PSMC2: variants seen among roughly 807,000 people sequenced by gnomAD.
PSMC2 encodes proteasome 26S subunit, ATPase 2.
PSMC2 carries 7 observed loss-of-function variants against 53.3 expected under a neutral mutation model. The observed-to-expected ratio is 0.13, with a 90% CI of 0.07 to 0.25. The LOEUF (loss-of-function observed/expected upper bound fraction) is 0.25, where lower values mean the gene tolerates loss of function less well. Ranked by LOEUF, PSMC2 falls within the 10% of genes least tolerant of loss-of-function variation. The pLI is 1.00. For synonymous variants in PSMC2, 169 were observed against 183.9 expected (o/e 0.92, Z 0.66); for missense variants, 241 against 544.0 (o/e 0.44, Z 5.54).
At position 103,368,385 on chromosome 7, in the gene PSMC2, T is replaced by C; in HGVS notation, c.*331T>C. On this transcript the variant is annotated 3_prime_UTR_variant, in exon 12 of 12. Transcript: ENST00000292644. Reference sequence around the variant, plus strand: ...CCTCCCATCTGTCCACTGAGGAAGATTATCAAATGGATCTTCATCCAATGG... The same window carrying C: ...CCTCCCATCTGTCCACTGAGGAAGACTATCAAATGGATCTTCATCCAATGG... 5.6e-6 allele frequency: 1 copy of C among 177,604 alleles called. No individual in the cohort carries two copies. Among genetic ancestry groups the C allele is most frequent in the Non-Finnish European group, 1.2e-5 (1 of 85,104 alleles). 11.0% of individuals were successfully genotyped at this position (177,604 alleles called of 1,614,324 possible).
Position 103,363,336 on chromosome 7 carries a change from T to C in PSMC2, c.496-8T>C. 1 of 1,606,018 alleles carries C rather than the reference T, an allele frequency of 6.2e-7. No homozygotes were observed. The highest frequency in any genetic ancestry group is 1.3e-5 in the African/African-American group (1 of 74,852). ...ACTGTATGTTGTACATTTCTGTCCCTCTCTTAGGTGGAAGAGAAACCTGAT... is the reference window on the plus strand; with the variant it reads ...ACTGTATGTTGTACATTTCTGTCCCCCTCTTAGGTGGAAGAGAAACCTGAT... On this transcript the variant is annotated splice_polypyrimidine_tract_variant and splice_region_variant and intron_variant, in intron 6 of 11. Transcript: ENST00000292644.
At chr7:103,352,215 TA>T (rs769618353) in intron 1 of PSMC2, among the ~76,000 whole-genome samples, 5,168 of 39,930 alleles carry the variant, frequency 0.13, 131 homozygotes, top group South Asian at 0.21. Context: ...CATACTTAGT[TA>T]AAAAAAAAAA....
intron 2 of PSMC2, among the ~76,000 whole-genome samples, chr7:103,354,508 A>T (rs1251940263): frequency 6.6e-6 from 1 of 151,514 alleles, no homozygotes; most frequent in Non-Finnish European, 1.5e-5. Flanking sequence ...AGCTGGGATT[A>T]TGAGCGCCCA....
At position 103,367,385 on chromosome 7, in the gene PSMC2, G is replaced by A. The variant is rs1820771877; in HGVS notation, c.845-28G>A. On this transcript the variant is annotated intron_variant, in intron 9 of 11. Transcript: ENST00000292644. This position sits in a 1 kb window ranked among gnomAD's most constrained non-coding sequence, Gnocchi z 6.1. ...AGTGCTACTCTTGAGTGGACTTGAA[G>A]AGCTTATCTTTCCTTTTGTCTTCTC... 6.2e-7 allele frequency: 1 copy of A among 1,610,206 alleles called. No individual in the cohort carries two copies. Among genetic ancestry groups the A allele is most frequent in the Non-Finnish European group, 8.5e-7 (1 of 1,178,010 alleles).
At position 103,354,916 on chromosome 7, in the gene PSMC2, C is replaced by G; in HGVS notation, c.157C>G (p.Gln53Glu). The G allele has an allele frequency of 6.2e-7, 1 of 1,613,246 alleles. No homozygotes were observed. The highest frequency in any genetic ancestry group is 8.5e-7 in the Non-Finnish European group (1 of 1,179,354). Residue 53 changes from glutamine to glutamate, a missense_variant, in exon 3 of 12, where the codon CAG (glutamine) becomes GAG (glutamate). Coordinates refer to ENST00000292644, the MANE Select transcript of PSMC2 (RefSeq NM_002803.4). The stretch of plus-strand genomic sequence containing the variant: ...GATCAAGCAAGTTGAAGATGACATT[C>G]AGCAACTTCTCAAGAAAATTAATGA... ...RQIKQVEDDI[Q>E]QLLKKINELT... is the part of the protein sequence containing the mutation.
intron 4 of PSMC2, among the ~76,000 whole-genome samples, chr7:103,359,867 G>T (rs964013680): frequency 6.6e-6 from 1 of 152,050 alleles, no homozygotes; most frequent in Non-Finnish European, 1.5e-5. Flanking sequence ...ATCACTTGAG[G>T]TTGGGAGTTT....
rs1025143801 is a variant in PSMC2, at chr7:103,367,359, T to C, written c.845-54T>C. 4.5e-6 allele frequency: 7 copies of C among 1,564,414 alleles called. No individual in the cohort carries two copies. The African/African-American group carries it at 8.1e-5, about 18-fold the overall frequency. On this transcript the variant is annotated intron_variant, in intron 9 of 11. Coordinates refer to ENST00000292644, the MANE Select transcript of PSMC2 (RefSeq NM_002803.4). This position sits in a 1 kb window ranked among gnomAD's most constrained non-coding sequence, Gnocchi z 6.1. ...ATTTTTGGTACTTTCAGGTCATGCA[T>C]AGTGCTACTCTTGAGTGGACTTGAA...
At chr7:103,354,058 C>A in intron 2 of PSMC2, 100 bp downstream of exon 2, 33 of 916,380 alleles carry the variant, frequency 3.6e-5, no homozygotes, top group East Asian at 8.5e-5. Flanking sequence ...GTTAAGAAAC[C>A]AAAAATTAAA....
At chr7:103,347,864 G>A in intron 1 of PSMC2, 83 bp downstream of exon 1, 1 of 1,479,534 alleles carries the variant, frequency 6.8e-7, no homozygotes, top group Non-Finnish European at 9.4e-7. Flanking sequence ...CTGGATTCCC[G>A]CTCCTGGCTC....
At chr7:103,362,454 A>G in intron 5 of PSMC2, 1 of 1,369,290 alleles carries the variant, frequency 7.3e-7, no homozygotes, top group Non-Finnish European at 9.4e-7. Context: ...TTAAAAAAAA[A>G]TCTCCCCTCC....
At chr7:103,362,509 T>G (rs1012201023) in intron 5 of PSMC2, 177 bp from the exon 6 acceptor site, 1 of 1,414,494 alleles carries the variant, frequency 7.1e-7, no homozygotes, top group African/African-American at 1.5e-5. Context: ...TTTGCGACAT[T>G]AGACATGTAG....
chr7:103,368,009 T>G lies in PSMC2; in HGVS notation c.1257T>G (p.Ser419=), dbSNP rs1264390282. The G allele has an allele frequency of 5.6e-6, 9 of 1,613,938 alleles. No homozygotes were observed. Among genetic ancestry groups the G allele is most frequent in the Non-Finnish European group, 7.6e-6 (9 of 1,179,910 alleles). Residue 419 remains serine, a synonymous_variant, in exon 12 of 12, where the codon TCT becomes TCG. Coordinates refer to ENST00000292644, the MANE Select transcript of PSMC2 (RefSeq NM_002803.4). Reference sequence around the variant, plus strand: ...AAGCTGTAAATAAGGTCATTAAGTCTTATGCCAAATTCAGTGCTACTCCTC... The same window carrying G: ...AAGCTGTAAATAAGGTCATTAAGTCGTATGCCAAATTCAGTGCTACTCCTC... ...FLEAVNKVIK[S]YAKFSATPRY... is the part of the protein sequence containing the mutation.
At chr7:103,353,985 A>G (rs749535526) in intron 2 of PSMC2, 27 bp downstream of exon 2, 1 of 1,523,190 alleles carries the variant, frequency 6.6e-7, no homozygotes, top group South Asian at 1.2e-5. Flanking sequence ...TCTACAAACT[A>G]TAGATGTTTT....
intron 4 of PSMC2, 53 bp downstream of exon 4, chr7:103,355,846 T>A: frequency 7.7e-7 from 1 of 1,302,382 alleles, no homozygotes; most frequent in Non-Finnish European, 1.1e-6. Flanking sequence ...TTCAAGCACT[T>A]AATGTTAGAG....
chr7:103,361,483 C>T (rs1718557008), intron 4 of PSMC2, among the ~76,000 whole-genome samples: 1 of 133,146 alleles, frequency 7.5e-6, no homozygotes, highest in South Asian at 2.3e-4. Flanking sequence ...GTGTTTCAGC[C>T]TGGGCAACAA....
chr7:103,355,844 C>A, intron 4 of PSMC2, 51 bp downstream of exon 4: 1 of 1,337,750 alleles, frequency 7.5e-7, no homozygotes, highest in South Asian at 1.2e-5. Flanking sequence ...TTTTCAAGCA[C>A]TTAATGTTAG....
rs1820812182 is a variant in PSMC2 at position 103,368,083 on chromosome 7, A to G, written c.*29A>G. 2 of 1,576,062 alleles carry G rather than the reference A, an allele frequency of 1.3e-6. No homozygotes were observed. Among genetic ancestry groups the G allele is most frequent in the Non-Finnish European group, 1.7e-6 (2 of 1,158,332 alleles). ...CTGAAGGCTTTCAAGTGAAAACTTT[A>G]AATTGGAATCCTAACCTTATATAGA... On this transcript the variant is annotated 3_prime_UTR_variant, in exon 12 of 12. Coordinates refer to ENST00000292644, the MANE Select transcript of PSMC2 (RefSeq NM_002803.4).
At chr7:103,358,998 T>C (rs1036398415) in intron 4 of PSMC2, among the ~76,000 whole-genome samples, 2 of 151,816 alleles carry the variant, frequency 1.3e-5, no homozygotes, top group Non-Finnish European at 2.9e-5. Context: ...TTTTTTTTTT[T>C]TTTGAGACAA....
At chr7:103,348,868 C>A in intron 1 of PSMC2, 1 of 530,084 alleles carries the variant, frequency 1.9e-6, no homozygotes, top group Non-Finnish European at 3.5e-6. Context: ...AATGAATAAT[C>A]TTGTTTATGT....
Sources: gnomAD v4.1 joint callset for allele counts (sites outside exome capture counted in the v4.1 genomes callset) on GRCh38, gnomAD v4.1.1 for gene constraint, Gnocchi (gnomAD v3.1) non-coding constraint, MANE v1.5 for transcripts, NCBI Gene and HGNC (gene_info 2026-07-23, HGNC 2026-07-21) for gene names.